Variants in NMU observed in about 807,000 individuals in gnomAD.
NMU encodes the protein neuromedin U.
In NMU, 29 loss-of-function variants were observed where a neutral mutation model predicts 35.4. The ratio of observed to expected loss-of-function variants is 0.82; its 90% CI spans 0.61 to 1.12. The LOEUF (loss-of-function observed/expected upper bound fraction) is 1.12. NMU is among the 50% of genes most tolerant of loss of function. The pLI, the probability that NMU is intolerant of heterozygous loss-of-function variation, is 0.00. For synonymous variants in NMU, 78 were observed against 81.3 expected (o/e 0.96, Z 0.22); for missense variants, 199 against 206.2 (o/e 0.97, Z 0.21).
chr4:55,604,678 A>ATTTTT (rs1553909882), intron 7 of NMU, among the ~76,000 whole-genome samples: 2 of 19,928 alleles, frequency 1.0e-4, no homozygotes, highest in African/African-American at 2.2e-4. Flanking sequence ...ATGCCTGGCT[A>ATTTTT]ATTTTTTTTT....
At chr4:55,595,565 C>T (rs10022855) in intron 9 of NMU, among the ~76,000 whole-genome samples, 154 bp from the exon 10 acceptor site, 40,340 of 97,146 alleles carry the variant, frequency 0.42, 6,901 homozygotes, top group Middle Eastern at 0.53. Context: ...TATATATATA[C>T]ACACACACAC....
chr4:55,633,897 A>G (rs913570186), intron 1 of NMU, among the ~76,000 whole-genome samples: 2 of 152,226 alleles, frequency 1.3e-5, no homozygotes, highest in African/African-American at 4.8e-5. Context: ...TTTGTTGCAG[A>G]TATTCAAAAT....
intron 3 of NMU, among the ~76,000 whole-genome samples, chr4:55,611,907 A>T (rs1272977521): frequency 6.6e-6 from 1 of 152,206 alleles, no homozygotes; most frequent in African/African-American, 2.4e-5. Context: ...ACAGGACATG[A>T]ATTGTTATTC....
chr4:55,633,219 G>A (rs552699415), intron 1 of NMU, among the ~76,000 whole-genome samples: 1 of 151,970 alleles, frequency 6.6e-6, no homozygotes, highest in African/African-American at 2.4e-5. Flanking sequence ...CAGCTATTCG[G>A]GAGGCTGAGG....
intron 3 of NMU, among the ~76,000 whole-genome samples, chr4:55,610,630 T>A (rs191304169): frequency 1.3e-5 from 2 of 152,338 alleles, no homozygotes; most frequent in African/African-American, 4.8e-5. Flanking sequence ...ATCAGAGGCC[T>A]GCTTTGTTCT....
At chr4:55,619,539 C>T (rs1477920716) in intron 2 of NMU, among the ~76,000 whole-genome samples, 15 of 142,856 alleles carry the variant, frequency 1.1e-4, no homozygotes, top group South Asian at 2.5e-4. Context: ...CGCTGATTGC[C>T]AGCACAGCAG....
chr4:55,626,495 A>C (rs1216065856), intron 2 of NMU, among the ~76,000 whole-genome samples: 1 of 152,192 alleles, frequency 6.6e-6, no homozygotes, highest in East Asian at 1.9e-4. Context: ...ACTTGAGGTC[A>C]AGAGTTTGAG....
chr4:55,602,137 TTAGAGTTTTATCATTAGCA>T (rs1733454716), intron 7 of NMU, among the ~76,000 whole-genome samples: 1 of 152,176 alleles, frequency 6.6e-6, no homozygotes, highest in Non-Finnish European at 1.5e-5. Flanking sequence ...ACAGATCTTT[TTAGAGTTTTATCATTAGCA>T]TAGAGCATCA....
intron 3 of NMU, among the ~76,000 whole-genome samples, chr4:55,609,818 G>A (rs1393674449): frequency 6.6e-6 from 1 of 152,126 alleles, no homozygotes; most frequent in African/African-American, 2.4e-5. Flanking sequence ...ACAAGCAGGG[G>A]CGAAACCTGC....
chr4:55,595,544 A>ATG (rs201400326), intron 9 of NMU, 133 bp from the exon 10 acceptor site: 6,679 of 74,754 alleles, frequency 0.089, 216 homozygotes, highest in Non-Finnish European at 0.13. Context: ...TCCCAGCTGT[A>ATG]TATATATATA....
At chr4:55,611,490 T>C (rs1319578646) in intron 3 of NMU, among the ~76,000 whole-genome samples, 1 of 152,208 alleles carries the variant, frequency 6.6e-6, no homozygotes, top group Non-Finnish European at 1.5e-5. Context: ...GTTTATGAAA[T>C]CTGCAGTAGT....
intron 1 of NMU, among the ~76,000 whole-genome samples, chr4:55,635,758 C>G (rs1351949143): frequency 6.6e-6 from 1 of 152,252 alleles, no homozygotes. Flanking sequence ...TTTCCACGGG[C>G]CGGGGGGTCT....
At chr4:55,609,405 C>T (rs1398671757) in intron 3 of NMU, among the ~76,000 whole-genome samples, 2 of 150,292 alleles carry the variant, frequency 1.3e-5, no homozygotes, top group South Asian at 2.1e-4. Context: ...AAGGTAAGTA[C>T]GGTACATATG....
chr4:55,630,431 G>A lies in NMU; in HGVS notation c.142C>T (p.Pro48Ser). The change falls in exon 2 of 10, where the codon CCT becomes TCT. Residue 48 changes from proline (P) to serine (S), a missense_variant. By Grantham distance (74) the Pro-to-Ser change is moderately conservative. Coordinates refer to ENST00000264218, the MANE Select transcript of NMU (RefSeq NM_006681.4). ...TTCCACAACTGTAGCTGTTGTTCAG[G>A]CTGTAATCCTTGAGGTAATATTGGA... is the stretch of plus-strand genomic sequence containing the variant. ...GAPILPQGLQ[P>S]EQQLQLWNEI... 6.2e-7 allele frequency: 1 copy of A among 1,612,516 alleles called. No homozygotes were observed. Among genetic ancestry groups the A allele is most frequent in the Non-Finnish European group, 8.5e-7 (1 of 1,178,860 alleles).
At chr4:55,601,237 T>TATG (rs1285768856) in intron 7 of NMU, among the ~76,000 whole-genome samples, 2 of 152,148 alleles carry the variant, frequency 1.3e-5, no homozygotes, top group African/African-American at 4.8e-5. Flanking sequence ...ATTAACATTT[T>TATG]ATGGTTTCCA....
intron 2 of NMU, among the ~76,000 whole-genome samples, chr4:55,627,519 G>A (rs550780202): frequency 3.2e-4 from 48 of 151,776 alleles, no homozygotes; most frequent in Non-Finnish European, 6.0e-4. Flanking sequence ...AAGAGAGAAT[G>A]TCGCTCCAAA....
intron 2 of NMU, among the ~76,000 whole-genome samples, chr4:55,618,406 G>A (rs1258091717): frequency 1.3e-5 from 2 of 151,892 alleles, no homozygotes. Context: ...GGTGTGTGAT[G>A]TTCCCCTCCC....
At chr4:55,617,274 A>G (rs1007765073) in intron 2 of NMU, among the ~76,000 whole-genome samples, 3 of 152,186 alleles carry the variant, frequency 2.0e-5, no homozygotes, top group Non-Finnish European at 4.4e-5. Context: ...TTCCAAGTTG[A>G]ACATGTCCTA....
At chr4:55,603,627 T>C (rs1488371898) in intron 7 of NMU, among the ~76,000 whole-genome samples, 1 of 151,742 alleles carries the variant, frequency 6.6e-6, no homozygotes, top group East Asian at 2.0e-4. Flanking sequence ...AAAATAATCC[T>C]AGAGGCCGGG....
Sources: gnomAD v4.1 joint callset for allele counts (sites outside exome capture counted in the v4.1 genomes callset) on GRCh38, gnomAD v4.1.1 for gene constraint, MANE v1.5 for transcripts, NCBI Gene and HGNC (gene_info 2026-07-23, HGNC 2026-07-21) for gene names.